Variants in ATR observed in about 807,000 individuals in gnomAD.
ATR encodes ATR checkpoint kinase.
ATR carries 142 observed loss-of-function variants against 305.3 expected under a neutral mutation model. The observed-to-expected ratio is 0.47, with a 90% CI of 0.41 to 0.53. The LOEUF (loss-of-function observed/expected upper bound fraction) is 0.53, where lower values mean the gene tolerates loss of function less well. Ranked by LOEUF, ATR falls within the 20% of genes least tolerant of loss-of-function variation. ATR has a pLI of 0.00. For synonymous variants in ATR, 1,050 were observed against 1,068.1 expected, an observed-to-expected ratio of 0.98 and a Z score of 0.33; for missense variants, 2,135 against 3,133.1, an observed-to-expected ratio of 0.68 and a Z score of 7.60.
rs1259473696 is a variant in ATR, at chr3:142,473,551, T to C, written c.6222-3368A>G. Among the ~76,000 whole-genome samples, 3 of 151,900 alleles carry C rather than the reference T, an allele frequency of 2.0e-5. No individual in the cohort carries two copies. In the East Asian group the frequency reaches 5.8e-4, roughly 29 times the overall value. Reference sequence around the variant, plus strand: ...TGTGATGCCTTCAGCTTTATTCTTTTTTTTTTTTTTTAGAGACATAGTCTC... The same window carrying C: ...TGTGATGCCTTCAGCTTTATTCTTTCTTTTTTTTTTTAGAGACATAGTCTC... On this transcript the variant is annotated intron_variant, in intron 36 of 46. Transcript: ENST00000350721.
At chr3:142,549,023 T>C (rs1226928816) in intron 15 of ATR, among the ~76,000 whole-genome samples, 1 of 151,378 alleles carries the variant, frequency 6.6e-6, no homozygotes, top group Non-Finnish European at 1.5e-5. Context: ...TTTGTTAATA[T>C]GACACCAAAA....
chr3:142,531,900 C>T (rs1429739121), intron 21 of ATR, among the ~76,000 whole-genome samples: 5 of 152,372 alleles, frequency 3.3e-5, no homozygotes, highest in East Asian at 1.9e-4. Flanking sequence ...TATTTCCCCA[C>T]ATCCTCTCCA....
At chr3:142,555,783 G>GT (rs1234009150) in intron 10 of ATR, 94 bp downstream of exon 10, 2 of 1,420,050 alleles carry the variant, frequency 1.4e-6, no homozygotes, top group Non-Finnish European at 1.9e-6. Flanking sequence ...GTAACTTCCT[G>GT]TAATTTTTCA....
At chr3:142,495,120 G>C (rs967132439) in intron 34 of ATR, among the ~76,000 whole-genome samples, 2 of 152,134 alleles carry the variant, frequency 1.3e-5, no homozygotes, top group African/African-American at 4.8e-5. Context: ...CAGAGAAGTA[G>C]GAAACATGAG....
At chr3:142,472,807 T>C (rs375201251) in intron 36 of ATR, among the ~76,000 whole-genome samples, 1 of 152,044 alleles carries the variant, frequency 6.6e-6, no homozygotes, top group African/African-American at 2.4e-5. Context: ...CCGAATAATT[T>C]TTGTATTTTT....
At chr3:142,466,265 A>T in intron 40 of ATR, 59 bp downstream of exon 40, 1 of 1,505,408 alleles carries the variant, frequency 6.6e-7, no homozygotes, top group Non-Finnish European at 9.2e-7. Flanking sequence ...TTTTTATCTT[A>T]ATTTGAAGTT....
At chr3:142,521,157 A>C (rs2033133990) in intron 23 of ATR, among the ~76,000 whole-genome samples, 1 of 152,234 alleles carries the variant, frequency 6.6e-6, no homozygotes, top group African/African-American at 2.4e-5. Flanking sequence ...ATTATGTGAA[A>C]TCTACTCTGC....
chr3:142,496,356 A>G lies in ATR; in HGVS notation c.5898+5T>C, dbSNP rs2108333422. ...TATATATGATGACATTTCCCTGGCCATTACCTTGGACCAGAGCCACTTTGC... is the reference window on the plus strand; with the variant it reads ...TATATATGATGACATTTCCCTGGCCGTTACCTTGGACCAGAGCCACTTTGC... On this transcript the variant is annotated splice_donor_5th_base_variant and intron_variant, in intron 34 of 46. Coordinates refer to ENST00000350721, the MANE Select transcript of ATR (RefSeq NM_001184.4). 6.7e-7 allele frequency: 1 copy of G among 1,487,244 alleles called. No individual in the cohort carries two copies. The highest frequency in any genetic ancestry group is 9.0e-7 in the Non-Finnish European group (1 of 1,108,272). The allele number at this position is 1,487,244 out of a possible 1,614,324, so 92.1% of individuals were successfully genotyped here. A position where few individuals can be genotyped will look rare whatever the true frequency, so the allele number is the denominator to read the frequency against.
At chr3:142,551,215 C>T (rs2034460568) in intron 13 of ATR, among the ~76,000 whole-genome samples, 1 of 152,050 alleles carries the variant, frequency 6.6e-6, no homozygotes, top group South Asian at 2.1e-4. Flanking sequence ...AGTTAGAGAG[C>T]AGCCTGGGCA....
At chr3:142,554,366 C>T (rs1406168344) in intron 10 of ATR, among the ~76,000 whole-genome samples, 1 of 151,896 alleles carries the variant, frequency 6.6e-6, no homozygotes, top group African/African-American at 2.4e-5. Context: ...TAGCTGGGAC[C>T]ACAGGCATGC....
chr3:142,504,022 T>C (rs906643243), intron 29 of ATR, among the ~76,000 whole-genome samples: 2 of 152,220 alleles, frequency 1.3e-5, no homozygotes, highest in African/African-American at 2.4e-5. Context: ...TTATGTACTA[T>C]CCTTTAAAAT....
rs754675288 is a variant in ATR, at chr3:142,538,638, A to G, written c.3582-13T>C. The G allele has an allele frequency of 3.3e-5, 54 of 1,613,094 alleles. No homozygotes were observed. The highest frequency in any genetic ancestry group is 2.9e-5 in the Non-Finnish European group (34 of 1,179,448). On this transcript the variant is annotated splice_polypyrimidine_tract_variant and intron_variant, in intron 18 of 46. Transcript: ENST00000350721. Reference sequence around the variant, plus strand: ...GCAGTCCCAAGCTCTATGTGAAAAAACAAATAGAAATGAAGTCCAATTACT... The same window carrying G: ...GCAGTCCCAAGCTCTATGTGAAAAAGCAAATAGAAATGAAGTCCAATTACT...
chr3:142,508,665 T>C (rs905853576), intron 27 of ATR, among the ~76,000 whole-genome samples: 1 of 152,186 alleles, frequency 6.6e-6, no homozygotes, highest in Non-Finnish European at 1.5e-5. Context: ...GGTTCACGCC[T>C]GTAATCCCAG....
chr3:142,544,015 G>A (rs1450405603), intron 16 of ATR, among the ~76,000 whole-genome samples: 1 of 152,020 alleles, frequency 6.6e-6, no homozygotes, highest in Non-Finnish European at 1.5e-5. Flanking sequence ...AGAGGGCATG[G>A]GCTTTAAGTC....
intron 21 of ATR, among the ~76,000 whole-genome samples, chr3:142,530,922 G>A (rs1027228649): frequency 2.6e-5 from 4 of 152,138 alleles, no homozygotes; most frequent in African/African-American, 9.7e-5. Flanking sequence ...CTCTCTTTCT[G>A]TTGGTGATTT....
intron 26 of ATR, 85 bp from the exon 27 acceptor site, chr3:142,512,555 G>A (rs2108373230): frequency 8.4e-7 from 1 of 1,194,522 alleles, no homozygotes; most frequent in East Asian, 2.8e-5. Context: ...CCATTCTAAG[G>A]CAAAAATTTT....
intron 34 of ATR, among the ~76,000 whole-genome samples, chr3:142,495,561 G>A (rs1279171077): frequency 6.6e-5 from 10 of 151,930 alleles, no homozygotes; most frequent in African/African-American, 1.9e-4. Flanking sequence ...TGGCTAACAC[G>A]GTGAAACCCC....
Position 142,556,713 on chromosome 3 carries a change from A to C in ATR, c.1886-138T>G, listed in dbSNP as rs187105697. On this transcript the variant is annotated intron_variant, in intron 8 of 46. Transcript: ENST00000350721. The stretch of plus-strand genomic sequence containing the variant: ...GTCAAGTAACACTTAAAATACATTT[A>C]ATACCTAATTTAATTAAAAGCTCCT... 778 of 820,376 alleles carry C rather than the reference A, an allele frequency of 9.5e-4. 8 individuals are homozygous for C. In the African/African-American group the frequency reaches 0.013, roughly 13 times the overall value. 50.8% of individuals were successfully genotyped at this position (820,376 alleles called of 1,614,324 possible).
At position 142,566,124 on chromosome 3, in the gene ATR, T is replaced by A. The variant is rs138473993; in HGVS notation, c.289A>T (p.Ile97Phe). 3.5e-5 allele frequency: 57 copies of A among 1,614,154 alleles called. No individual in the cohort carries two copies. In the African/African-American group the frequency reaches 6.3e-4, roughly 18 times the overall value. Residue 97 changes from isoleucine to phenylalanine, a missense_variant, in exon 3 of 47, where the codon ATT becomes TTT. Ile to Phe is a conservative substitution (Grantham distance 21, BLOSUM62 0). Transcript: ENST00000350721. ...ATGCATGAATAACAGCACTTACCAA[T>A]ACAACTGCCTTTGGCCTCATGGCTT... ...SGSHEAKGSC[I>F]EFSNWIITRL... is the part of the protein sequence containing the mutation.
Sources: allele counts gnomAD v4.1 joint callset (sites outside exome capture counted in the v4.1 genomes callset), GRCh38; gene constraint gnomAD v4.1.1; transcripts MANE v1.5; gene names NCBI Gene and HGNC (gene_info 2026-07-23, HGNC 2026-07-21).